The following SAMD7 variants were observed in gnomAD, a reference collection of about 807,000 sequenced individuals.
The protein encoded by SAMD7 is sterile alpha motif domain-containing protein 7.
In SAMD7, 34 loss-of-function variants were observed where a neutral mutation model predicts 36.7. That is an observed-to-expected ratio of 0.93 (90% CI 0.71 to 1.23). SAMD7 has a LOEUF of 1.23. Among genes scored for constraint, SAMD7 ranks in the 50% most tolerant of loss-of-function variants. The pLI is 0.00. For synonymous variants in SAMD7, 188 were observed against 189.7 expected (o/e 0.99, Z 0.07); for missense variants, 570 against 546.6 (o/e 1.04, Z -0.43).
chr3:169,912,753 G>A (rs1712653051), intron 1 of SAMD7, among the ~76,000 whole-genome samples: 1 of 152,194 alleles, frequency 6.6e-6, no homozygotes. Flanking sequence ...GTGCTATGGT[G>A]AAATGCAGTT....
At chr3:169,932,239 T>C (rs574089598) in intron 7 of SAMD7, 2 of 851,264 alleles carry the variant, frequency 2.3e-6, no homozygotes, top group South Asian at 1.3e-5. Context: ...GGAAGTGTAC[T>C]GTGAAGAGAC....
intron 7 of SAMD7, 146 bp downstream of exon 7, chr3:169,928,724 G>A (rs1241233758): frequency 7.3e-6 from 6 of 825,230 alleles, no homozygotes; most frequent in Non-Finnish European, 1.1e-5. Context: ...CCCTGGGACA[G>A]GTCTCTGATT....
intron 1 of SAMD7, among the ~76,000 whole-genome samples, chr3:169,912,182 A>T (rs577133696): frequency 3.3e-5 from 5 of 152,294 alleles, no homozygotes; most frequent in African/African-American, 1.2e-4. Context: ...ACCTCTATGT[A>T]TTACTGCTGT....
chr3:169,936,460 T>C lies in SAMD7; in HGVS notation c.1152+11T>C. On this transcript the variant is annotated intron_variant, in intron 8 of 8. Transcript: ENST00000335556. ...AAAATTCAGTCACAGGTATGGTGAT[T>C]TTATATAACTAATTATGTATTAATG... 7.2e-7 allele frequency: 1 copy of C among 1,388,988 alleles called. No homozygotes were observed. The allele number at this position is 1,388,988 out of a possible 1,614,324, so 86.0% of individuals were successfully genotyped here. A position where few individuals can be genotyped will look rare whatever the true frequency, so the allele number is the denominator to read the frequency against.
In SAMD7 at chr3:169,921,236, G is replaced by A. The variant is rs1472760602; in HGVS notation, c.109G>A (p.Ala37Thr). The A allele has an allele frequency of 6.2e-7, 1 of 1,613,908 alleles. No homozygotes were observed. Among genetic ancestry groups the A allele is most frequent in the Admixed American group, 1.7e-5 (1 of 60,004 alleles). ...CAGAGATGTATTGCCTTCCACCGTA[G>A]CTCCAACTGACCCAAGACAGTTTTG... is the stretch of plus-strand genomic sequence containing the variant. The part of the protein sequence containing the change: ...VDRDVLPSTV[A>T]PTDPRQFCVP... The change falls in exon 4 of 9, where the codon GCT becomes ACT. Residue 37 changes from alanine (A) to threonine (T), a missense_variant. Physicochemically the swap from Ala to Thr is moderately conservative, Grantham distance 58. Transcript: ENST00000335556.
intron 3 of SAMD7, 80 bp downstream of exon 3, chr3:169,919,664 G>A (rs758344186): frequency 6.0e-5 from 70 of 1,170,984 alleles, no homozygotes; most frequent in Non-Finnish European, 8.2e-5. Flanking sequence ...TAAGTCTAGT[G>A]TTGTTTTATT....
intron 1 of SAMD7, among the ~76,000 whole-genome samples, chr3:169,912,333 T>C (rs902496193): frequency 6.6e-6 from 1 of 152,178 alleles, no homozygotes; most frequent in Non-Finnish European, 1.5e-5. Flanking sequence ...ATGATAATCA[T>C]GAAATAAAAT....
rs533920324 is a variant in SAMD7, at chr3:169,933,930, A to T, written c.1042-2409A>T. Among the ~76,000 whole-genome samples the T allele has an allele frequency of 1.5e-4, 23 of 152,364 alleles. No individual in the cohort carries two copies. The South Asian group carries it at 4.6e-3, about 30-fold the overall frequency. On this transcript the variant is annotated intron_variant, in intron 7 of 8. Coordinates refer to ENST00000335556, the MANE Select transcript of SAMD7 (RefSeq NM_001304366.2). The stretch of plus-strand genomic sequence containing the variant: ...AAGAGGCCTCTAAAGTGAGACCTGA[A>T]AGTCAAGAGGAGAGGTGAGGCAGGA...
chr3:169,926,459 G>T (rs1713259576), intron 5 of SAMD7, 94 bp from the exon 6 acceptor site: 1 of 1,315,448 alleles, frequency 7.6e-7, no homozygotes, highest in Non-Finnish European at 1.0e-6. Flanking sequence ...CAGATAAACA[G>T]TGTGAGGACT....
At chr3:169,926,403 T>A in intron 5 of SAMD7, 150 bp from the exon 6 acceptor site, 2 of 1,159,564 alleles carry the variant, frequency 1.7e-6, no homozygotes, top group South Asian at 3.3e-5. Context: ...AAAACTCTCC[T>A]TCCCAGTGGC....
intron 8 of SAMD7, among the ~76,000 whole-genome samples, chr3:169,936,926 C>T (rs1398662330): frequency 6.6e-6 from 1 of 152,020 alleles, no homozygotes; most frequent in Non-Finnish European, 1.5e-5. Flanking sequence ...GTATTTCTAC[C>T]AGATACAATC....
intron 2 of SAMD7, among the ~76,000 whole-genome samples, chr3:169,917,808 A>AT (rs1712872334): frequency 6.6e-6 from 1 of 151,740 alleles, no homozygotes. Context: ...TACCTGACTA[A>AT]TTTTTTGTAT....
chr3:169,928,298 G>A (rs1476914230), intron 6 of SAMD7, among the ~76,000 whole-genome samples, 159 bp from the exon 7 acceptor site: 2 of 152,202 alleles, frequency 1.3e-5, no homozygotes, highest in African/African-American at 4.8e-5. Flanking sequence ...AAGAAAGGAG[G>A]CAGCTGAAGC....
At chr3:169,934,518 G>T (rs549065240) in intron 7 of SAMD7, among the ~76,000 whole-genome samples, 9 of 152,172 alleles carry the variant, frequency 5.9e-5, no homozygotes, top group African/African-American at 1.9e-4. Flanking sequence ...GGCACTGAAG[G>T]GGGTAGGAAA....
intron 7 of SAMD7, chr3:169,931,893 C>A: frequency 4.2e-6 from 1 of 236,824 alleles, no homozygotes; most frequent in Non-Finnish European, 8.5e-6. Context: ...CACAAATGGA[C>A]CAATGTGTGT....
chr3:169,926,335 T>A, intron 5 of SAMD7: 1 of 1,336,428 alleles, frequency 7.5e-7, no homozygotes, highest in Non-Finnish European at 9.9e-7. Flanking sequence ...GGTAACACTC[T>A]AAAGACTGGC....
At position 169,917,935 on chromosome 3, in the gene SAMD7, C is replaced by G. The variant is rs374238205; in HGVS notation, c.-41-1523C>G. 4.7e-5 allele frequency among the ~76,000 whole-genome samples: 7 copies of G among 149,738 alleles called. 1 individual carries two copies. On this transcript the variant is annotated intron_variant, in intron 2 of 8. Coordinates refer to ENST00000335556, the MANE Select transcript of SAMD7 (RefSeq NM_001304366.2). ...GGATTACAGGCATGAGCCACTGCAC[C>G]CGGCCTGTTTGTTTATTTTTGAGAT...
At chr3:169,912,001 G>A (rs940995277) in intron 1 of SAMD7, among the ~76,000 whole-genome samples, 180 bp downstream of exon 1, 2 of 152,184 alleles carry the variant, frequency 1.3e-5, no homozygotes, top group African/African-American at 4.8e-5. Flanking sequence ...CTTGACTGAA[G>A]TTACTAACGA....
intron 3 of SAMD7, 86 bp from the exon 4 acceptor site, chr3:169,921,128 A>G (rs1418607026): frequency 8.1e-7 from 1 of 1,233,062 alleles, no homozygotes; most frequent in African/African-American, 1.5e-5. Context: ...CCATATGGCA[A>G]TAACAAAATC....
Sources: allele counts gnomAD v4.1 joint callset (sites outside exome capture counted in the v4.1 genomes callset), GRCh38; gene constraint gnomAD v4.1.1; transcripts MANE v1.5; gene names NCBI Gene and HGNC (gene_info 2026-07-23, HGNC 2026-07-21).